ST6GAL1: variants seen among roughly 807,000 people sequenced by gnomAD.
ST6GAL1 encodes beta-galactoside alpha-2,6-sialyltransferase 1.
A neutral mutation model predicts 38.0 loss-of-function variants in ST6GAL1; 20 were observed. The ratio of observed to expected loss-of-function variants is 0.53; its 90% CI spans 0.37 to 0.77. The LOEUF is 0.77. Ranked by LOEUF, ST6GAL1 falls within the 30% of genes least tolerant of loss-of-function variation. ST6GAL1 has a pLI of 0.00. For missense variants in ST6GAL1, 432 were observed against 496.4 expected (o/e 0.87, Z 1.23); for synonymous variants, 196 against 188.2 (o/e 1.04, Z -0.34).
chr3:187,038,550 A>C (rs1718018735), intron 2 of ST6GAL1, 192 bp from the exon 3 acceptor site: 1 of 152,174 alleles, frequency 6.6e-6, no homozygotes, highest in African/African-American at 2.4e-5. Context: ...TGTGCTGTTC[A>C]CAGATCCAGA....
Position 187,036,000 on chromosome 3 carries a change from T to C in ST6GAL1, c.-182-2742T>C, listed in dbSNP as rs191268725. Among the ~76,000 whole-genome samples, 4 of 152,328 alleles carry C rather than the reference T, an allele frequency of 2.6e-5. No individual in the cohort carries two copies. In the East Asian group the frequency reaches 7.7e-4, roughly 29 times the overall value. On this transcript the variant is annotated intron_variant, in intron 2 of 7. Transcript: ENST00000169298. ...AGAATGGAAGAAAATATTTGCAAGCTATGCATCTGACAAAGATCTAATATC... is the reference window on the plus strand; with the variant it reads ...AGAATGGAAGAAAATATTTGCAAGCCATGCATCTGACAAAGATCTAATATC...
rs1480581305 is a variant in ST6GAL1 at position 187,024,903 on chromosome 3, G to C, written c.-182-13839G>C. ...TTGAGAGAATTGGTAAACATTTAAA[G>C]GTGGGTTGGATATTGGGTGATATTG... On this transcript the variant is annotated intron_variant, in intron 2 of 7. Transcript: ENST00000169298. 2.6e-5 allele frequency: 4 copies of C among 152,044 alleles called. No individual in the cohort carries two copies. The East Asian group carries it at 7.7e-4, about 29-fold the overall frequency. The allele number at this position is 152,044 out of a possible 1,614,324, so 9.4% of individuals were successfully genotyped here. A position where few individuals can be genotyped will look rare whatever the true frequency, so the allele number is the denominator to read the frequency against.
At chr3:186,939,016 A>G (rs1714066458) in intron 1 of ST6GAL1, among the ~76,000 whole-genome samples, 1 of 119,048 alleles carries the variant, frequency 8.4e-6, no homozygotes, top group Non-Finnish European at 1.9e-5. Flanking sequence ...TCAACCTAGG[A>G]CCTTTAGGGA....
intron 2 of ST6GAL1, among the ~76,000 whole-genome samples, chr3:186,977,231 G>C (rs1715549443): frequency 6.6e-6 from 1 of 152,140 alleles, no homozygotes; most frequent in African/African-American, 2.4e-5. Flanking sequence ...TGTGACTGTG[G>C]CTCCCTCCCC....
intron 2 of ST6GAL1, among the ~76,000 whole-genome samples, chr3:187,018,769 T>C (rs554618878): frequency 4.8e-4 from 73 of 152,260 alleles, no homozygotes; most frequent in African/African-American, 1.6e-3. Flanking sequence ...TCCAATCAAG[T>C]TGACACTCCG....
chr3:186,996,867 C>T (rs1716429496), intron 2 of ST6GAL1, among the ~76,000 whole-genome samples: 1 of 151,760 alleles, frequency 6.6e-6, no homozygotes, highest in African/African-American at 2.4e-5. Flanking sequence ...CCCCTCTCTG[C>T]TTGGGTCCCT....
chr3:186,984,810 T>A (rs140105564), intron 2 of ST6GAL1, among the ~76,000 whole-genome samples: 1 of 36,296 alleles, frequency 2.8e-5, no homozygotes, highest in Non-Finnish European at 5.7e-5. Flanking sequence ...CTTCCATCCT[T>A]CCTTCCTTCC....
chr3:186,971,472 G>T (rs76188407), intron 2 of ST6GAL1, among the ~76,000 whole-genome samples: 1 of 152,186 alleles, frequency 6.6e-6, no homozygotes, highest in African/African-American at 2.4e-5. Flanking sequence ...ACAGCTGGTT[G>T]TGTGCCTCTC....
At chr3:186,989,592 C>T (rs749971170) in intron 2 of ST6GAL1, among the ~76,000 whole-genome samples, 4 of 152,116 alleles carry the variant, frequency 2.6e-5, no homozygotes, top group Non-Finnish European at 5.9e-5. Context: ...GCACCATGTT[C>T]GAGGGAACCT....
At chr3:187,019,317 A>G (rs1717218045) in intron 2 of ST6GAL1, among the ~76,000 whole-genome samples, 1 of 152,252 alleles carries the variant, frequency 6.6e-6, no homozygotes. Flanking sequence ...GTTTTAAACC[A>G]TAGAAATAAA....
At chr3:187,006,880 G>A (rs536903836) in intron 2 of ST6GAL1, among the ~76,000 whole-genome samples, 1 of 152,294 alleles carries the variant, frequency 6.6e-6, no homozygotes, top group African/African-American at 2.4e-5. Context: ...CCTAATGAGA[G>A]GAAGAGGAAA....
At chr3:186,948,584 T>A (rs1714466970) in intron 1 of ST6GAL1, 1 of 152,480 alleles carries the variant, frequency 6.6e-6, no homozygotes, top group South Asian at 2.1e-4. Flanking sequence ...TGTGTGTATG[T>A]GGTCGTTGGA....
intron 1 of ST6GAL1, among the ~76,000 whole-genome samples, chr3:186,932,142 CG>C (rs11332772): frequency 0.61 from 91,961 of 151,806 alleles, 28,002 homozygotes; most frequent in Middle Eastern, 0.76. Context: ...AACCTGTCCC[CG>C]GGGGGGGAAC....
At chr3:187,000,810 T>G (rs1716593330) in intron 2 of ST6GAL1, among the ~76,000 whole-genome samples, 2 of 152,244 alleles carry the variant, frequency 1.3e-5, no homozygotes, top group Non-Finnish European at 2.9e-5. Flanking sequence ...TTCGTAAGGT[T>G]TCACTTCTGT....
At chr3:187,046,470 T>C (rs1718300151) in intron 4 of ST6GAL1, among the ~76,000 whole-genome samples, 1 of 152,228 alleles carries the variant, frequency 6.6e-6, no homozygotes, top group African/African-American at 2.4e-5. Context: ...GGTGAGATAA[T>C]GGTTATAATC....
At chr3:186,946,029 G>A (rs1177255983) in intron 1 of ST6GAL1, among the ~76,000 whole-genome samples, 1 of 147,770 alleles carries the variant, frequency 6.8e-6, no homozygotes, top group Non-Finnish European at 1.5e-5. Flanking sequence ...TTTTCTGGCC[G>A]GGCGCGGTGG....
chr3:187,066,453 A>G (rs947700657), intron 5 of ST6GAL1, among the ~76,000 whole-genome samples: 5 of 152,142 alleles, frequency 3.3e-5, no homozygotes, highest in Non-Finnish European at 7.4e-5. Flanking sequence ...CCTATTTCCA[A>G]ACAGGGTATT....
chr3:186,944,896 G>T (rs1714302965), intron 1 of ST6GAL1, among the ~76,000 whole-genome samples: 2 of 152,202 alleles, frequency 1.3e-5, no homozygotes, highest in Admixed American at 6.5e-5. Context: ...GTCTCCAGCT[G>T]AGAGGCCATA....
chr3:187,035,924 G>A (rs141863611), intron 2 of ST6GAL1, among the ~76,000 whole-genome samples: 1,665 of 128,524 alleles, frequency 0.013, 18 homozygotes, highest in Admixed American at 0.026. Flanking sequence ...TTAAACTAAA[G>A]AGCTTTTGTG....
Sources: allele counts gnomAD v4.1 joint callset (sites outside exome capture counted in the v4.1 genomes callset), GRCh38; gene constraint gnomAD v4.1.1; transcripts MANE v1.5; gene names NCBI Gene and HGNC (gene_info 2026-07-23, HGNC 2026-07-21).